The following SEC63 variants were observed in gnomAD, a reference collection of about 807,000 sequenced individuals.
The protein encoded by SEC63 is translocation protein SEC63 homolog.
In SEC63, 56 loss-of-function variants were observed where a neutral mutation model predicts 116.2. The observed-to-expected ratio is 0.48, with a 90% CI of 0.39 to 0.60. The LOEUF (loss-of-function observed/expected upper bound fraction) is 0.60. Among genes scored for constraint, SEC63 ranks in the 20% least tolerant of loss-of-function variants. The pLI is 0.00. For missense variants in SEC63, 668 were observed against 900.0 expected (o/e 0.74, Z 3.30); for synonymous variants, 273 against 294.6 (o/e 0.93, Z 0.75).
At chr6:107,955,923 T>C in intron 1 of SEC63, 1 of 322,656 alleles carries the variant, frequency 3.1e-6, no homozygotes, top group Non-Finnish European at 6.2e-6. Context: ...AATAGTATGA[T>C]TCTTCTATGA....
At chr6:107,877,086 T>TATATATATATAC (rs1287599670) in intron 18 of SEC63, 37 of 165,866 alleles carry the variant, frequency 2.2e-4, no homozygotes, top group African/African-American at 6.4e-4. Context: ...TATATATATA[T>TATATATATATAC]ACACATATAT....
chr6:107,945,583 C>T (rs1435978013), intron 1 of SEC63, among the ~76,000 whole-genome samples: 2 of 151,952 alleles, frequency 1.3e-5, no homozygotes, highest in Admixed American at 6.6e-5. Context: ...GGATTACAGG[C>T]GTGAGCCACC....
intron 4 of SEC63, among the ~76,000 whole-genome samples, chr6:107,915,927 C>T (rs1007733359): frequency 5.3e-5 from 8 of 152,120 alleles, no homozygotes; most frequent in Admixed American, 2.6e-4. Flanking sequence ...TCTTACAGAA[C>T]GTCAACTATT....
chr6:107,881,350 G>A (rs948586952), intron 17 of SEC63, 100 bp from the exon 18 acceptor site: 4 of 789,632 alleles, frequency 5.1e-6, no homozygotes, highest in Non-Finnish European at 8.6e-6. Context: ...TAACTACTTA[G>A]GATTAGAACA....
intron 1 of SEC63, among the ~76,000 whole-genome samples, chr6:107,955,064 G>A (rs1770684122): frequency 6.6e-6 from 1 of 152,216 alleles, no homozygotes; most frequent in Admixed American, 6.5e-5. Context: ...CTATCTAGCA[G>A]TATGGAAACC....
chr6:107,932,283 T>C (rs538809143), intron 1 of SEC63: 27 of 152,336 alleles, frequency 1.8e-4, no homozygotes, highest in African/African-American at 6.0e-4. Context: ...ATTATAATTT[T>C]TTTTTACCAT....
chr6:107,924,355 G>A (rs1342630860), intron 3 of SEC63, among the ~76,000 whole-genome samples: 8 of 151,272 alleles, frequency 5.3e-5, no homozygotes, highest in African/African-American at 7.3e-5. Context: ...GAGGTGGGCA[G>A]ATCACAAGGT....
chr6:107,930,149 T>C (rs1787765502), intron 1 of SEC63: 1 of 147,294 alleles, frequency 6.8e-6, no homozygotes, highest in Non-Finnish European at 1.5e-5. Flanking sequence ...CACCCAAAGA[T>C]GACACGCAAA....
intron 7 of SEC63, among the ~76,000 whole-genome samples, chr6:107,910,427 C>A (rs1361056085): frequency 6.6e-6 from 1 of 152,086 alleles, no homozygotes; most frequent in East Asian, 1.9e-4. Flanking sequence ...ATGTTTGCAC[C>A]ACCTTACTAT....
chr6:107,900,239 A>G (rs1485791316), intron 13 of SEC63, among the ~76,000 whole-genome samples: 2 of 151,768 alleles, frequency 1.3e-5, no homozygotes, highest in Admixed American at 6.6e-5. Context: ...GGTTCAAGTG[A>G]TCCCCCTGCC....
chr6:107,886,871 G>T, intron 16 of SEC63, among the ~76,000 whole-genome samples: 1 of 144,396 alleles, frequency 6.9e-6, no homozygotes, highest in African/African-American at 2.6e-5. Context: ...TTGCTGTGCA[G>T]AAGCTCTTTA....
intron 16 of SEC63, among the ~76,000 whole-genome samples, chr6:107,884,778 G>T (rs1438661865): frequency 2.0e-5 from 3 of 152,040 alleles, no homozygotes; most frequent in Non-Finnish European, 1.5e-5. Flanking sequence ...CTTAAAAATA[G>T]ATGTGAGAAT....
intron 13 of SEC63, among the ~76,000 whole-genome samples, chr6:107,898,598 A>AT (rs775935756): frequency 4.5e-4 from 68 of 152,192 alleles, no homozygotes; most frequent in Non-Finnish European, 9.0e-4. Flanking sequence ...TTGAAAAAGT[A>AT]TTTTTTCAAT....
intron 3 of SEC63, among the ~76,000 whole-genome samples, chr6:107,923,304 G>A (rs1181245531): frequency 6.6e-6 from 1 of 152,052 alleles, no homozygotes; most frequent in Non-Finnish European, 1.5e-5. Flanking sequence ...GTACAGATGA[G>A]GGTTTCCCTA....
intron 16 of SEC63, among the ~76,000 whole-genome samples, chr6:107,888,862 C>T (rs1013930053): frequency 2.6e-5 from 4 of 152,128 alleles, no homozygotes; most frequent in Non-Finnish European, 5.9e-5. Context: ...TGGTTTTTGT[C>T]ATTGGTTCTG....
chr6:107,919,601 T>A (rs575496315), intron 4 of SEC63, among the ~76,000 whole-genome samples: 15 of 152,134 alleles, frequency 9.9e-5, no homozygotes, highest in African/African-American at 3.6e-4. Flanking sequence ...GGCAGGCGTA[T>A]CACAAGGTCA....
At chr6:107,886,163 T>C (rs1786523981) in intron 16 of SEC63, among the ~76,000 whole-genome samples, 1 of 152,194 alleles carries the variant, frequency 6.6e-6, no homozygotes, top group Admixed American at 6.5e-5. Flanking sequence ...TCCAACGTCA[T>C]CCATGTCCCT....
chr6:107,882,827 C>G (rs926817093), intron 17 of SEC63, among the ~76,000 whole-genome samples, 161 bp downstream of exon 17: 2 of 151,984 alleles, frequency 1.3e-5, no homozygotes, highest in Admixed American at 1.3e-4. Flanking sequence ...ACTACCATTC[C>G]TTAAAAACGT....
chr6:107,874,341 T>C (rs373579953), intron 19 of SEC63, among the ~76,000 whole-genome samples: 1 of 152,066 alleles, frequency 6.6e-6, no homozygotes, highest in Non-Finnish European at 1.5e-5. Context: ...ACGCCTGTAA[T>C]CCCAGCACTT....
Sources: allele counts gnomAD v4.1 joint callset (sites outside exome capture counted in the v4.1 genomes callset), GRCh38; gene constraint gnomAD v4.1.1; transcripts MANE v1.5; gene names NCBI Gene and HGNC (gene_info 2026-07-23, HGNC 2026-07-21).